Variants in NAALADL2 observed in about 807,000 individuals in gnomAD.
NAALADL2 encodes the protein N-acetylated alpha-linked acidic dipeptidase like 2.
NAALADL2 carries 76 observed loss-of-function variants against 87.2 expected under a neutral mutation model. That is an observed-to-expected ratio of 0.87 (90% CI 0.72 to 1.05). The LOEUF (loss-of-function observed/expected upper bound fraction) is 1.05. Ranked by LOEUF, NAALADL2 falls within the 50% of genes least tolerant of loss-of-function variation. The pLI is 0.00. For missense variants in NAALADL2, 1,089 were observed against 945.8 expected (o/e 1.15, Z -1.99); for synonymous variants, 354 against 331.0 (o/e 1.07, Z -0.75).
chr3:175,766,074 G>A (rs979676106), intron 13 of NAALADL2, among the ~76,000 whole-genome samples: 2 of 151,990 alleles, frequency 1.3e-5, no homozygotes, highest in South Asian at 2.1e-4. Flanking sequence ...TATAGATTAC[G>A]TTTTTCACAT....
intron 3 of NAALADL2, among the ~76,000 whole-genome samples, chr3:174,852,578 G>A (rs1385552907): frequency 6.6e-6 from 1 of 151,954 alleles, no homozygotes; most frequent in Non-Finnish European, 1.5e-5. Flanking sequence ...ACAAAAACAT[G>A]GAAAGATACT....
chr3:175,121,397 A>G (rs1053703910), intron 2 of NAALADL2, among the ~76,000 whole-genome samples: 1 of 151,860 alleles, frequency 6.6e-6, no homozygotes, highest in Non-Finnish European at 1.5e-5. Context: ...ATGTTTCACA[A>G]CCAGAGCATG....
intron 1 of NAALADL2, among the ~76,000 whole-genome samples, chr3:174,540,540 A>G (rs983829076): frequency 2.0e-5 from 3 of 152,246 alleles, no homozygotes; most frequent in Admixed American, 1.3e-4. Flanking sequence ...AAACTGTGCT[A>G]TGAAGGCTAT....
At chr3:174,977,738 C>T (rs543302031) in intron 1 of NAALADL2, among the ~76,000 whole-genome samples, 1 of 152,174 alleles carries the variant, frequency 6.6e-6, no homozygotes, top group East Asian at 1.9e-4. Flanking sequence ...TCCAGTTTTA[C>T]AAAGATAATA....
Position 175,803,322 on chromosome 3 carries a change from G to A in NAALADL2, c.*119G>A. The A allele has an allele frequency of 3.6e-6, 2 of 561,548 alleles. No homozygotes were observed. Among genetic ancestry groups the A allele is most frequent in the Non-Finnish European group, 6.0e-6 (2 of 333,192 alleles). 34.8% of individuals were successfully genotyped at this position (561,548 alleles called of 1,614,324 possible). ...CCAATGGCTTTTTGACAAGTATAAA[G>A]CTATTATTACATTGTATTTTTTAAA... On this transcript the variant is annotated 3_prime_UTR_variant, in exon 14 of 14. Transcript: ENST00000454872.
chr3:175,305,960 A>T (rs1400481957), intron 4 of NAALADL2, among the ~76,000 whole-genome samples: 5 of 151,870 alleles, frequency 3.3e-5, no homozygotes, highest in Non-Finnish European at 7.4e-5. Context: ...CAAATCCTTA[A>T]TTTTTTTAAG....
At chr3:175,458,878 A>G (rs111919685) in intron 6 of NAALADL2, among the ~76,000 whole-genome samples, 3 of 152,096 alleles carry the variant, frequency 2.0e-5, no homozygotes, top group African/African-American at 7.2e-5. Context: ...CTCTAACACT[A>G]TATGCTATTC....
chr3:175,265,300 T>G (rs1411276192), intron 4 of NAALADL2, among the ~76,000 whole-genome samples: 1 of 151,824 alleles, frequency 6.6e-6, no homozygotes, highest in Admixed American at 6.6e-5. Flanking sequence ...TACAATATCC[T>G]AAAACTGACT....
intron 10 of NAALADL2, among the ~76,000 whole-genome samples, chr3:175,582,293 A>T (rs1002675227): frequency 6.6e-6 from 1 of 152,170 alleles, no homozygotes; most frequent in Admixed American, 6.5e-5. Flanking sequence ...TCTACTTCAA[A>T]TTGCCTAATA....
At chr3:174,948,679 A>T (rs1739862034) in intron 1 of NAALADL2, among the ~76,000 whole-genome samples, 1 of 152,000 alleles carries the variant, frequency 6.6e-6, no homozygotes, top group Admixed American at 6.6e-5. Flanking sequence ...TTCTTCCATG[A>T]TGTCAGGGGT....
chr3:175,564,803 G>A (rs574462313), intron 9 of NAALADL2, among the ~76,000 whole-genome samples: 17 of 152,296 alleles, frequency 1.1e-4, no homozygotes, highest in African/African-American at 3.6e-4. Flanking sequence ...TGGGACAGTC[G>A]TATCTTTTCA....
chr3:174,539,675 A>T (rs1240879612), intron 1 of NAALADL2, among the ~76,000 whole-genome samples: 5 of 152,126 alleles, frequency 3.3e-5, no homozygotes, highest in Non-Finnish European at 7.4e-5. Context: ...GACCGTCAAT[A>T]CTCATCCAAG....
At chr3:175,249,955 A>G (rs2109753393) in intron 3 of NAALADL2, among the ~76,000 whole-genome samples, 1 of 152,230 alleles carries the variant, frequency 6.6e-6, no homozygotes, top group Admixed American at 6.5e-5. Flanking sequence ...GGATCATCTG[A>G]GGTCGGGAGT....
At chr3:174,864,035 T>C (rs1406593948) in intron 1 of NAALADL2, 1 of 455,386 alleles carries the variant, frequency 2.2e-6, no homozygotes, top group Non-Finnish European at 4.4e-6. Context: ...CAAAACAAAA[T>C]CAAGCAAATT....
chr3:175,515,381 A>G (rs1731693431), intron 9 of NAALADL2, among the ~76,000 whole-genome samples: 1 of 152,172 alleles, frequency 6.6e-6, no homozygotes, highest in Non-Finnish European at 1.5e-5. Context: ...TCCTGCCTTC[A>G]GAATACAGCC....
At chr3:175,671,000 A>T (rs564642884) in intron 11 of NAALADL2, among the ~76,000 whole-genome samples, 56 of 151,646 alleles carry the variant, frequency 3.7e-4, no homozygotes, top group African/African-American at 1.2e-3. Context: ...TTGTAAAAAA[A>T]AATAATAATA....
intron 1 of NAALADL2, among the ~76,000 whole-genome samples, chr3:174,508,409 G>A (rs1175013796): frequency 2.0e-5 from 3 of 151,930 alleles, no homozygotes; most frequent in South Asian, 2.1e-4. Flanking sequence ...CACCGCACCC[G>A]GTCCCTGGGT....
chr3:175,217,856 G>C (rs1742791487), intron 2 of NAALADL2, among the ~76,000 whole-genome samples: 1 of 152,156 alleles, frequency 6.6e-6, no homozygotes, highest in African/African-American at 2.4e-5. Context: ...ATTGGGGTTT[G>C]TGTTTGTTAG....
chr3:174,504,744 A>G (rs1395892757), intron 1 of NAALADL2, among the ~76,000 whole-genome samples: 1 of 152,150 alleles, frequency 6.6e-6, no homozygotes, highest in Non-Finnish European at 1.5e-5. Flanking sequence ...TGGCATTGGA[A>G]CTGGTCTTAT....
Sources: allele counts gnomAD v4.1 joint callset (sites outside exome capture counted in the v4.1 genomes callset), GRCh38; gene constraint gnomAD v4.1.1; transcripts MANE v1.5; gene names NCBI Gene and HGNC (gene_info 2026-07-23, HGNC 2026-07-21).